Variants in EZR observed in about 807,000 individuals in gnomAD.
The protein encoded by EZR is ezrin, also known as cytovillin 2.
EZR carries 40 observed loss-of-function variants against 74.8 expected under a neutral mutation model. That is an observed-to-expected ratio of 0.53 (90% confidence interval 0.42 to 0.70). EZR has a LOEUF of 0.70. Among genes scored for constraint, EZR ranks in the 30% least tolerant of loss-of-function variants. The pLI, the probability that EZR is intolerant of heterozygous loss-of-function variation, is 0.00. For synonymous variants in EZR, 341 were observed against 283.3 expected (o/e 1.20, Z -2.05); for missense variants, 678 against 755.8 (o/e 0.90, Z 1.21).
In EZR at chr6:158,785,419, A is replaced by AC; in HGVS notation, c.356_357insG (p.Glu120Ter). 1 of 1,614,166 alleles carries AC rather than the reference A, an allele frequency of 6.2e-7. No individual in the cohort carries two copies. The highest frequency in any genetic ancestry group is 8.5e-7 in the Non-Finnish European group (1 of 1,180,014). On this transcript the variant is annotated frameshift_variant, in exon 5 of 14. Transcript: ENST00000367075. LOFTEE classifies it high-confidence loss of function. ...AGGACCCCAAGAGCACGGCAGTCTC[A>AC]GGGGGGCAGTAGATCTCATCGCTAA...
rs777647986 is a variant in EZR at position 158,785,583 on chromosome 6, C to G, written c.193G>C (p.Val65Leu). ...FPTWLKLDKK[V>L]SAQEVRKENP... Reference sequence around the variant, plus strand: ...TCCTTCCTGACCTCCTGGGCAGACACCTGCACGAAACAAGCCACACTCTCC... The same window carrying G: ...TCCTTCCTGACCTCCTGGGCAGACAGCTGCACGAAACAAGCCACACTCTCC... Residue 65 changes from valine (V) to leucine (L), a missense_variant and splice_region_variant, in exon 5 of 14, where the codon GTG becomes CTG. Physicochemically the swap from Val to Leu is conservative, Grantham distance 32. Coordinates refer to ENST00000367075, the MANE Select transcript of EZR (RefSeq NM_001111077.2). 1.2e-6 allele frequency: 2 copies of G among 1,613,390 alleles called. No homozygotes were observed. Among genetic ancestry groups the G allele is most frequent in the Non-Finnish European group, 1.7e-6 (2 of 1,179,388 alleles).
At chr6:158,786,595 C>A (rs1407178340) in intron 4 of EZR, among the ~76,000 whole-genome samples, 2 of 151,750 alleles carry the variant, frequency 1.3e-5, no homozygotes, top group African/African-American at 4.8e-5. Context: ...CTCCTCCACT[C>A]TTCCCCACCT....
chr6:158,780,816 T>C (rs534712780), intron 7 of EZR, among the ~76,000 whole-genome samples: 4 of 152,344 alleles, frequency 2.6e-5, no homozygotes, highest in Admixed American at 6.5e-5. Context: ...GTTCACAAGC[T>C]TACAATGCCT....
chr6:158,772,118 C>T (rs1245192740), intron 8 of EZR, among the ~76,000 whole-genome samples: 1 of 152,264 alleles, frequency 6.6e-6, no homozygotes, highest in Admixed American at 6.5e-5. Context: ...ACACCAGCTA[C>T]AGGTACTCGC....
intron 2 of EZR, among the ~76,000 whole-genome samples, chr6:158,810,144 A>T (rs1481080267): frequency 6.6e-6 from 1 of 152,230 alleles, no homozygotes; most frequent in Non-Finnish European, 1.5e-5. Context: ...CCTATCAATA[A>T]AAGGTGGGTC....
chr6:158,815,766 G>A (rs558715831), intron 2 of EZR, among the ~76,000 whole-genome samples: 4 of 152,072 alleles, frequency 2.6e-5, no homozygotes, highest in Non-Finnish European at 5.9e-5. Flanking sequence ...AGGCCACCTC[G>A]CCTGGCCTCA....
At chr6:158,790,903 T>C (rs1562499165) in intron 2 of EZR, among the ~76,000 whole-genome samples, 1 of 152,160 alleles carries the variant, frequency 6.6e-6, no homozygotes. Flanking sequence ...TCAAGTGAAA[T>C]ATACAGAAGC....
intron 7 of EZR, among the ~76,000 whole-genome samples, chr6:158,779,297 A>AAAAAGACTGGAACTATCCC (rs1249488022): frequency 1.3e-5 from 2 of 152,226 alleles, no homozygotes; most frequent in Non-Finnish European, 2.9e-5. Context: ...GTCATGACAA[A>AAAAAGACTGGAACTATCCC]AAAAGACTGG....
chr6:158,770,018 C>A (rs1791051118), intron 10 of EZR, 74 bp from the exon 11 acceptor site: 1 of 1,571,488 alleles, frequency 6.4e-7, no homozygotes, highest in Non-Finnish European at 8.6e-7. Flanking sequence ...TCCATTCCCA[C>A]CCCCAAAGCC....
intron 2 of EZR, among the ~76,000 whole-genome samples, chr6:158,794,884 G>A (rs1447120022): frequency 6.6e-6 from 1 of 152,136 alleles, no homozygotes; most frequent in Non-Finnish European, 1.5e-5. Flanking sequence ...GAACCATGTG[G>A]TTGACGGTAC....
chr6:158,789,461 T>A (rs999022998), intron 2 of EZR, 90 bp from the exon 3 acceptor site: 6 of 1,170,858 alleles, frequency 5.1e-6, no homozygotes, highest in Middle Eastern at 1.9e-4. Flanking sequence ...TGCTCCTCAG[T>A]GTGGCGACGG....
intron 2 of EZR, among the ~76,000 whole-genome samples, chr6:158,813,522 T>G (rs1349868722): frequency 6.6e-6 from 1 of 152,072 alleles, no homozygotes; most frequent in African/African-American, 2.4e-5. Flanking sequence ...AAATGTTAGC[T>G]ACCTAATTCA....
At position 158,787,158 on chromosome 6, in the gene EZR, G is replaced by A; in HGVS notation, c.142C>T (p.His48Tyr). 6.2e-7 allele frequency: 1 copy of A among 1,613,602 alleles called. No homozygotes were observed. The highest frequency in any genetic ancestry group is 8.5e-7 in the Non-Finnish European group (1 of 1,179,538). Residue 48 changes from histidine to tyrosine, a missense_variant, in exon 4 of 14, where the codon CAC becomes TAC. By Grantham distance (83) the His-to-Tyr change is moderately conservative. Transcript: ENST00000367075. The part of the protein sequence containing the change: ...GLREVWYFGL[H>Y]YVDNKGFPTW... ...GGAAATCCTTTATTATCCACATAGT[G>A]GAGGCCAAAGTACCACACTTCCCGG...
rs1426694308 is a variant in EZR, at chr6:158,765,909, G to A, written c.*1005C>T. ...CAGCCTGCCAAGGCCATGGCAGAGA[G>A]AGACTGCAAACAAACAAACACAAGC... On this transcript the variant is annotated 3_prime_UTR_variant, in exon 14 of 14. Coordinates refer to ENST00000367075, the MANE Select transcript of EZR (RefSeq NM_001111077.2). 1 of 119,670 alleles carries A rather than the reference G, an allele frequency of 8.4e-6. No individual in the cohort carries two copies. The highest frequency in any genetic ancestry group is 3.9e-3 in the Middle Eastern group (1 of 254). The allele number at this position is 119,670 out of a possible 1,614,324, so 7.4% of individuals were successfully genotyped here.
At chr6:158,780,182 CAAAAA>C (rs67002848) in intron 7 of EZR, among the ~76,000 whole-genome samples, 2 of 127,198 alleles carry the variant, frequency 1.6e-5, no homozygotes, top group Non-Finnish European at 1.7e-5. Flanking sequence ...GATTCCATAT[CAAAAA>C]AAAAAAAAAA....
chr6:158,783,491 A>G (rs1318711959), intron 7 of EZR, 29 bp downstream of exon 7: 2 of 1,596,176 alleles, frequency 1.3e-6, no homozygotes, highest in Non-Finnish European at 1.7e-6. Context: ...CACCCTACCT[A>G]CTGAAGATAA....
rs771560235 is a variant in EZR, at chr6:158,767,434, G to A, written c.1423C>T (p.Pro475Ser). The change falls in exon 13 of 14, where the codon CCC becomes TCC. Residue 475 changes from proline (P) to serine (S), a missense_variant. Physicochemically the swap from Pro to Ser is moderately conservative, Grantham distance 74. Around this residue, in one of 3 missense-constraint regions of EZR, gnomAD observed 342 missense variants for 341.2 expected, o/e 1.00. Transcript: ENST00000367075. The part of the protein sequence containing the change: ...LVMTAPPPPP[P>S]PVYEPVSYHV... ...TAGCTCACCGGCTCGTACACGGGGGGTGGTGGGGGCGGGGGTGCTGTCATC... is the reference window on the plus strand; with the variant it reads ...TAGCTCACCGGCTCGTACACGGGGGATGGTGGGGGCGGGGGTGCTGTCATC... 3.3e-5 allele frequency: 53 copies of A among 1,613,120 alleles called. No individual in the cohort carries two copies. The highest frequency in any genetic ancestry group is 4.3e-5 in the Non-Finnish European group (51 of 1,179,552).
rs1790773018 is a variant in EZR at position 158,766,046 on chromosome 6, C to CTGTT, written c.*864_*867dup. 1 of 152,610 alleles carries CTGTT rather than the reference C, an allele frequency of 6.6e-6. No individual in the cohort carries two copies. Among genetic ancestry groups the CTGTT allele is most frequent in the African/African-American group, 2.4e-5 (1 of 41,432 alleles). 9.5% of individuals were successfully genotyped at this position (152,610 alleles called of 1,614,324 possible). ...CATGCATAAAACACTAATAATAATC[C>CTGTT]TGTTTACACGTGACTGCAGCAGGCA... On this transcript the variant is annotated 3_prime_UTR_variant, in exon 14 of 14. Transcript: ENST00000367075.
intron 2 of EZR, 27 bp from the exon 3 acceptor site, chr6:158,789,398 G>C (rs56160004): frequency 1.3e-6 from 2 of 1,583,228 alleles, no homozygotes; most frequent in African/African-American, 2.7e-5. Context: ...AACAAATTAC[G>C]CTTAACTGAG....
Sources: gnomAD v4.1 joint callset for allele counts (sites outside exome capture counted in the v4.1 genomes callset) on GRCh38, gnomAD v4.1.1 for gene constraint, gnomAD v4.1.1 regional missense constraint, MANE v1.5 for transcripts, NCBI Gene and HGNC (gene_info 2026-07-23, HGNC 2026-07-21) for gene names.